RYR2: variants seen among roughly 807,000 people sequenced by gnomAD.
RYR2 encodes the protein cardiac muscle ryanodine receptor-calcium release channel.
In RYR2, 227 loss-of-function variants were observed where a neutral mutation model predicts 601.1. The observed-to-expected ratio is 0.38, with a 90% CI of 0.34 to 0.42. RYR2 has a LOEUF of 0.42. RYR2 is among the 10% of genes least tolerant of loss of function. The probability of loss-of-function intolerance (pLI) is 1.00; values close to 1 mark genes in which losing one functional copy is unlikely to be tolerated. For synonymous variants in RYR2, 2,223 were observed against 2,175.1 expected (o/e 1.02, Z -0.61); for missense variants, 4,646 against 6,156.5 (o/e 0.75, Z 8.21).
chr1:237,801,284 A>G (rs915591416), intron 97 of RYR2, among the ~76,000 whole-genome samples: 4 of 150,278 alleles, frequency 2.7e-5, no homozygotes, highest in Non-Finnish European at 5.9e-5. Context: ...TAATCCCAGC[A>G]CTTCGGGAGG....
intron 17 of RYR2, among the ~76,000 whole-genome samples, chr1:237,470,108 T>C (rs903102123): frequency 6.6e-6 from 1 of 152,008 alleles, no homozygotes; most frequent in African/African-American, 2.4e-5. Flanking sequence ...TGCCCTCTTA[T>C]GTTACTTATT....
At chr1:237,048,633 T>A (rs1405230959) in intron 1 of RYR2, among the ~76,000 whole-genome samples, 1 of 152,200 alleles carries the variant, frequency 6.6e-6, no homozygotes, top group African/African-American at 2.4e-5. Context: ...CTCTAACCAA[T>A]TCCGATTTTA....
chr1:237,791,851 A>G, intron 93 of RYR2: 1 of 580,554 alleles, frequency 1.7e-6, no homozygotes, highest in Non-Finnish European at 3.1e-6. Context: ...AAGAGAGCTT[A>G]GCCATCTAAT....
chr1:237,433,782 G>A lies in RYR2; in HGVS notation c.1006-7537G>A, dbSNP rs533609721. Among the ~76,000 whole-genome samples, 30 of 152,134 alleles carry A rather than the reference G, an allele frequency of 2.0e-4. No individual in the cohort carries two copies. The South Asian group carries it at 5.8e-3, about 29-fold the overall frequency. On this transcript the variant is annotated intron_variant, in intron 12 of 104. Transcript: ENST00000366574. The stretch of plus-strand genomic sequence containing the variant: ...AGGCAAACACTTTTTAAAAAATGAC[G>A]TAACATATATCTTAGACCTTAGATC...
intron 33 of RYR2, among the ~76,000 whole-genome samples, chr1:237,594,492 CAT>C (rs1675581623): frequency 6.6e-6 from 1 of 152,106 alleles, no homozygotes; most frequent in Admixed American, 6.6e-5. Flanking sequence ...AAAAAAACCA[CAT>C]GTCTCCAGGA....
At position 237,778,719 on chromosome 1, in the gene RYR2, T is replaced by G; in HGVS notation, c.11829T>G (p.Ala3943=). The G allele has an allele frequency of 6.2e-7, 1 of 1,612,428 alleles. No individual in the cohort carries two copies. Among genetic ancestry groups the G allele is most frequent in the Non-Finnish European group, 8.5e-7 (1 of 1,178,584 alleles). Residue 3943 remains alanine (A), a synonymous_variant, in exon 88 of 105, where the codon GCT becomes GCG. Coordinates refer to ENST00000366574, the MANE Select transcript of RYR2 (RefSeq NM_001035.3). ...TGGCACACAGCAGGCTGTGGGATGC[T>G]GTGGTCGGCTTTCTTCATGTGTTTG... ...QSLAHSRLWD[A]VVGFLHVFAH...
intron 12 of RYR2, among the ~76,000 whole-genome samples, chr1:237,432,475 G>A (rs1239593107): frequency 6.6e-6 from 1 of 152,114 alleles, no homozygotes; most frequent in Non-Finnish European, 1.5e-5. Context: ...AGTCGAAGTG[G>A]TATAGGGGGA....
intron 19 of RYR2, among the ~76,000 whole-genome samples, chr1:237,493,298 A>G (rs3753618): frequency 6.6e-6 from 1 of 152,188 alleles, no homozygotes; most frequent in African/African-American, 2.4e-5. Context: ...TGCCGCAAAC[A>G]CATGTATAAG....
intron 92 of RYR2, among the ~76,000 whole-genome samples, chr1:237,788,778 C>A (rs1381377784): frequency 6.6e-6 from 1 of 152,072 alleles, no homozygotes; most frequent in Admixed American, 6.6e-5. Flanking sequence ...ATTAGTAAAG[C>A]ACACATTCAT....
chr1:237,508,231 G>T (rs1227639642), intron 23 of RYR2, among the ~76,000 whole-genome samples: 2 of 152,084 alleles, frequency 1.3e-5, no homozygotes, highest in South Asian at 4.1e-4. Context: ...AAAGTGCTGG[G>T]ATTACAGGCT....
rs1006882541 is a variant in RYR2, at chr1:237,791,817, ATATTACATTCT to A, written c.13564-286_13564-276del. The A allele has an allele frequency of 7.0e-6, 4 of 572,224 alleles. No individual in the cohort carries two copies. In the African/African-American group the frequency reaches 7.5e-5, roughly 11 times the overall value. The allele number at this position is 572,224 out of a possible 1,614,324, so 35.4% of individuals were successfully genotyped here. A position where few individuals can be genotyped will look rare whatever the true frequency, so the allele number is the denominator to read the frequency against. ...ATGCCTGGGTGTGGCATACCGTATT[ATATTACATTCT>A]TTTGTAATTGAGAAGAGAGCTTAGC... On this transcript the variant is annotated intron_variant, in intron 93 of 104. Transcript: ENST00000366574.
At chr1:237,782,964 C>T (rs1250115035) in intron 89 of RYR2, among the ~76,000 whole-genome samples, 5 of 152,170 alleles carry the variant, frequency 3.3e-5, no homozygotes, top group Admixed American at 3.3e-4. Flanking sequence ...TGACCAGCGA[C>T]CTTTCTTCTC....
chr1:237,277,527 G>A (rs969741172), intron 2 of RYR2, among the ~76,000 whole-genome samples: 6 of 152,178 alleles, frequency 3.9e-5, no homozygotes, highest in African/African-American at 1.4e-4. Flanking sequence ...GGATTGATGA[G>A]AGAAATCCAT....
rs752297019 is a variant in RYR2 at position 237,742,319 on chromosome 1, C to T, written c.11115C>T (p.Asp3705=). ...MAKSCHDEED[D]DGEEEVKSFE... is the part of the protein sequence containing the mutation. ...AGAGTTGTCATGATGAGGAAGATGA[C>T]GATGGTGAAGAGGAAGTGAAGAGTT... Residue 3705 remains aspartate, a synonymous_variant, in exon 80 of 105, where the codon GAC becomes GAT. Coordinates refer to ENST00000366574, the MANE Select transcript of RYR2 (RefSeq NM_001035.3). 3.1e-5 allele frequency: 48 copies of T among 1,558,932 alleles called. No homozygotes were observed. In the Admixed American group the frequency reaches 3.2e-4, roughly 10 times the overall value.
At chr1:237,673,633 G>A (rs1407908712) in intron 58 of RYR2, among the ~76,000 whole-genome samples, 2 of 152,264 alleles carry the variant, frequency 1.3e-5, no homozygotes, top group South Asian at 4.1e-4. Flanking sequence ...TGATCTGAGA[G>A]ATATAATACA....
intron 3 of RYR2, among the ~76,000 whole-genome samples, chr1:237,344,803 T>A (rs572862237): frequency 3.9e-5 from 6 of 152,226 alleles, no homozygotes; most frequent in South Asian, 4.2e-4. Flanking sequence ...AGTAAGTCTT[T>A]TTTATTTATT....
intron 2 of RYR2, among the ~76,000 whole-genome samples, chr1:237,320,311 GTGTTA>G (rs1225401999): frequency 7.2e-5 from 11 of 152,234 alleles, no homozygotes; most frequent in Admixed American, 3.9e-4. Flanking sequence ...ACATAAAAAA[GTGTTA>G]TGTTATGGCT....
intron 84 of RYR2, among the ~76,000 whole-genome samples, chr1:237,763,126 G>A (rs1266511943): frequency 6.6e-6 from 1 of 152,152 alleles, no homozygotes; most frequent in African/African-American, 2.4e-5. Context: ...CTATGAGGAT[G>A]TACAGTTATT....
chr1:237,231,264 T>C (rs1413482783), intron 1 of RYR2, among the ~76,000 whole-genome samples: 1 of 151,976 alleles, frequency 6.6e-6, no homozygotes, highest in Non-Finnish European at 1.5e-5. Flanking sequence ...ACACATTTAG[T>C]TCTTTTCATT....
Sources: allele counts gnomAD v4.1 joint callset (sites outside exome capture counted in the v4.1 genomes callset), GRCh38; gene constraint gnomAD v4.1.1; transcripts MANE v1.5; gene names NCBI Gene and HGNC (gene_info 2026-07-23, HGNC 2026-07-21).